Variants in NSMCE4A observed in about 807,000 individuals in gnomAD.
NSMCE4A encodes the protein NSE4A component of SMC5/6 complex, also known as non-structural maintenance of chromosomes element 4 homolog A.
In NSMCE4A, 40 loss-of-function variants were observed where a neutral mutation model predicts 47.9. The ratio of observed to expected loss-of-function variants is 0.83; its 90% CI spans 0.65 to 1.09. The LOEUF (loss-of-function observed/expected upper bound fraction) is 1.09, where lower values mean the gene tolerates loss of function less well. Ranked by LOEUF, NSMCE4A falls within the 50% of genes least tolerant of loss-of-function variation. NSMCE4A has a pLI of 0.00. For missense variants in NSMCE4A, 500 were observed against 507.0 expected (o/e 0.99, Z 0.13); for synonymous variants, 166 against 178.5 (o/e 0.93, Z 0.56).
intron 2 of NSMCE4A, among the ~76,000 whole-genome samples, chr10:121,973,360 C>T (rs1343547351): frequency 6.6e-6 from 1 of 152,124 alleles, no homozygotes; most frequent in Admixed American, 6.5e-5. Context: ...TGACCAAGTA[C>T]CCACATCAGG....
chr10:121,971,185 A>AAT (rs1952702415), intron 2 of NSMCE4A, 116 bp from the exon 3 acceptor site: 1 of 1,008,626 alleles, frequency 9.9e-7, no homozygotes, highest in Non-Finnish European at 1.4e-6. Context: ...AAAAAAAAAA[A>AAT]TCTCAATAGG....
Position 121,974,434 on chromosome 10 carries a change from G to A in NSMCE4A, c.293-353C>T. The A allele has an allele frequency of 2.9e-6, 3 of 1,022,204 alleles. 1 individual carries two copies. In the South Asian group the frequency reaches 1.4e-4, roughly 46 times the overall value. The allele number at this position is 1,022,204 out of a possible 1,614,324, so 63.3% of individuals were successfully genotyped here. A position where few individuals can be genotyped will look rare whatever the true frequency, so the allele number is the denominator to read the frequency against. ...CCACAGTTGCGCGGACCCACCCAGA[G>A]ATTCGAATTCCGCGGGTCCGGGTGG... On this transcript the variant is annotated intron_variant, in intron 1 of 10. Transcript: ENST00000369023.
chr10:121,974,794 C>T (rs1952785834), intron 1 of NSMCE4A, 80 bp downstream of exon 1: 1 of 1,221,072 alleles, frequency 8.2e-7, no homozygotes, highest in Non-Finnish European at 1.0e-6. Context: ...CACCTGCCTC[C>T]GGTGCCCTCC....
chr10:121,974,705 C>T (rs1255127129), intron 1 of NSMCE4A, 169 bp downstream of exon 1: 3 of 1,125,518 alleles, frequency 2.7e-6, no homozygotes, highest in African/African-American at 3.3e-5. Flanking sequence ...AGTGGGAGCA[C>T]TTTGTCAACA....
intron 1 of NSMCE4A, chr10:121,974,494 CCGCTG>C: frequency 1.1e-5 from 11 of 993,702 alleles, no homozygotes; most frequent in Non-Finnish European, 1.3e-5. Context: ...CTCTCGCGTG[CCGCTG>C]CAGCTGCAGC....
intron 9 of NSMCE4A, 31 bp from the exon 10 acceptor site, chr10:121,959,441 G>A (rs1263958702): frequency 1.2e-6 from 2 of 1,612,682 alleles, no homozygotes; most frequent in East Asian, 4.5e-5. Context: ...TTTAGGCACT[G>A]GGCTTACTGC....
chr10:121,965,924 T>A (rs1323044203), intron 4 of NSMCE4A: 1 of 152,342 alleles, frequency 6.6e-6, no homozygotes, highest in Non-Finnish European at 1.5e-5. Context: ...GTCTGCATCA[T>A]GTAGAGATCA....
At position 121,961,495 on chromosome 10, in the gene NSMCE4A, A is replaced by C. The variant is rs1454874002; in HGVS notation, c.867T>G (p.Phe289Leu). 1 of 1,566,114 alleles carries C rather than the reference A, an allele frequency of 6.4e-7. No individual in the cohort carries two copies. The highest frequency in any genetic ancestry group is 2.4e-5 in the East Asian group (1 of 42,440). ...REDPDTPMSFFDFVVDPHSFP... is the reference protein window; with the variant it reads ...REDPDTPMSFLDFVVDPHSFP... ...AAGAATGAGGATCAACCACAAAGTC[A>C]AAGAAGGACATTGGGGTATCAGCTA... is the stretch of plus-strand genomic sequence containing the variant. Residue 289 changes from phenylalanine (F) to leucine (L), a missense_variant, in exon 7 of 11, where the codon TTT becomes TTG. Transcript: ENST00000369023.
chr10:121,970,322 A>AT (rs1952682708), intron 3 of NSMCE4A, among the ~76,000 whole-genome samples: 1 of 151,704 alleles, frequency 6.6e-6, no homozygotes, highest in Non-Finnish European at 1.5e-5. Context: ...AATACAAAAA[A>AT]TTAGCCGGGC....
chr10:121,964,212 G>A (rs1274204323), intron 5 of NSMCE4A, among the ~76,000 whole-genome samples: 2 of 140,378 alleles, frequency 1.4e-5, no homozygotes, highest in African/African-American at 2.7e-5. Context: ...GTGCCATCTC[G>A]GCTCACTGCA....
Position 121,963,124 on chromosome 10 carries a change from A to T in NSMCE4A, c.844+114T>A, listed in dbSNP as rs191752930. On this transcript the variant is annotated intron_variant, in intron 6 of 10. Transcript: ENST00000369023. ...TAAAGGGGAGAAGAATCCTCATAAA[A>T]TGCATATGTATTTATTCAAATATTA... 3.6e-5 allele frequency: 17 copies of T among 471,146 alleles called. No individual in the cohort carries two copies. In the Middle Eastern group the frequency reaches 1.0e-3, roughly 28 times the overall value. The allele number at this position is 471,146 out of a possible 1,614,324, so 29.2% of individuals were successfully genotyped here. A position where few individuals can be genotyped will look rare whatever the true frequency, so the allele number is the denominator to read the frequency against.
At chr10:121,957,434 T>C (rs1186511792) in intron 10 of NSMCE4A, among the ~76,000 whole-genome samples, 175 bp from the exon 11 acceptor site, 8 of 116,232 alleles carry the variant, frequency 6.9e-5, no homozygotes, top group African/African-American at 1.8e-4. Flanking sequence ...TTTTTCTTTT[T>C]TTTTTTTTTT....
intron 2 of NSMCE4A, among the ~76,000 whole-genome samples, 179 bp from the exon 3 acceptor site, chr10:121,971,248 A>G (rs532733441): frequency 1.6e-4 from 24 of 151,896 alleles, no homozygotes; most frequent in African/African-American, 5.8e-4. Context: ...CGGTGGCTCA[A>G]GCCTGTAATC....
At chr10:121,970,861 A>C in intron 3 of NSMCE4A, 78 bp downstream of exon 3, 1 of 1,241,732 alleles carries the variant, frequency 8.1e-7, no homozygotes, top group Non-Finnish European at 1.1e-6. Flanking sequence ...AATCATCTGC[A>C]TATGGATATG....
chr10:121,962,140 C>A, intron 6 of NSMCE4A: 1 of 366,522 alleles, frequency 2.7e-6, no homozygotes, highest in South Asian at 2.0e-5. Flanking sequence ...GGAACTTGGC[C>A]GGGCGCGGTG....
chr10:121,960,215 G>A lies in NSMCE4A; in HGVS notation c.988+143C>T. The A allele has an allele frequency of 2.0e-6, 1 of 504,134 alleles. No homozygotes were observed. 31.2% of individuals were successfully genotyped at this position (504,134 alleles called of 1,614,324 possible). On this transcript the variant is annotated intron_variant, in intron 8 of 10. Transcript: ENST00000369023. The surrounding 1 kb of genome is among the most constrained non-coding windows in gnomAD (Gnocchi z 4.2). ...ATTTTAGACGCTGGCCATGTTTTCA[G>A]TATCTTCAGGTAGTTGAGCAAGATA... is the stretch of plus-strand genomic sequence containing the variant.
chr10:121,970,476 G>GA (rs57421744), intron 3 of NSMCE4A, among the ~76,000 whole-genome samples: 13,115 of 101,336 alleles, frequency 0.13, 863 homozygotes, highest in Non-Finnish European at 0.17. Context: ...TGTCTCAAAG[G>GA]AAAAAAAAAA....
At position 121,965,323 on chromosome 10, in the gene NSMCE4A, A is replaced by C; in HGVS notation, c.716T>G (p.Val239Gly). 6.2e-7 allele frequency: 1 copy of C among 1,613,990 alleles called. No homozygotes were observed. The highest frequency in any genetic ancestry group is 8.5e-7 in the Non-Finnish European group (1 of 1,179,920). The change falls in exon 5 of 11, where the codon GTT (valine) becomes GGT (glycine). Residue 239 changes from valine to glycine, a missense_variant. By Grantham distance (109) the Val-to-Gly change is moderately radical. Coordinates refer to ENST00000369023, the MANE Select transcript of NSMCE4A (RefSeq NM_017615.3). The stretch of plus-strand genomic sequence containing the variant: ...TGCCCTCTCCTCTTGTATCACAGGA[A>C]CTTTTCTTGGACGATCAACTCGTGG... ...PKPRVDRPRK[V>G]PVIQEERAMP...
At chr10:121,965,432 TAAAC>T (rs778278410) in intron 4 of NSMCE4A, 47 bp from the exon 5 acceptor site, 246 of 1,443,866 alleles carry the variant, frequency 1.7e-4, no homozygotes, top group Non-Finnish European at 2.1e-4. Context: ...TGTTGTTTGT[TAAAC>T]AAACTAACTT....
Sources: gnomAD v4.1 joint callset for allele counts (sites outside exome capture counted in the v4.1 genomes callset) on GRCh38, gnomAD v4.1.1 for gene constraint, Gnocchi (gnomAD v3.1) non-coding constraint, MANE v1.5 for transcripts, NCBI Gene and HGNC (gene_info 2026-07-23, HGNC 2026-07-21) for gene names.